RALY: variants seen among roughly 807,000 people sequenced by gnomAD.
RALY encodes the protein RALY heterogeneous nuclear ribonucleoprotein.
Under a neutral mutation model 30.7 loss-of-function variants are expected in RALY, and 15 were observed. That is an observed-to-expected ratio of 0.49 (90% CI 0.33 to 0.75). RALY has a LOEUF of 0.75. Ranked by LOEUF, RALY falls within the 30% of genes least tolerant of loss-of-function variation. The probability of loss-of-function intolerance (pLI) is 0.02; values close to 1 mark genes in which losing one functional copy is unlikely to be tolerated. For missense variants in RALY, 339 were observed against 414.3 expected (o/e 0.82, Z 1.58); for synonymous variants, 177 against 170.8 (o/e 1.04, Z -0.28).
At chr20:34,076,990 G>C in intron 7 of RALY, 38 bp from the exon 8 acceptor site, 1 of 1,610,048 alleles carries the variant, frequency 6.2e-7, no homozygotes, top group Non-Finnish European at 8.5e-7. Context: ...ACCCCAGGCT[G>C]AGTTTTATTC....
chr20:34,072,707 G>A (rs2033761675), intron 3 of RALY, among the ~76,000 whole-genome samples: 1 of 152,180 alleles, frequency 6.6e-6, no homozygotes, highest in South Asian at 2.1e-4. Flanking sequence ...AGAGCACAAG[G>A]ACAGTGTGAA....
intron 2 of RALY, among the ~76,000 whole-genome samples, chr20:34,056,333 T>G (rs1261082562): frequency 2.6e-5 from 4 of 152,210 alleles, no homozygotes; most frequent in African/African-American, 9.6e-5. Flanking sequence ...TACTGTTGAC[T>G]CTTCTTGTCT....
rs2033892773 is a variant in RALY, at chr20:34,076,803, A to G, written c.646A>G (p.Lys216Glu). ...CTTGGAGCAGATCGCTGCGGAGCAAAAGGCCAATCCAGGTCAGCCTCTGAG... is the reference window on the plus strand; with the variant it reads ...CTTGGAGCAGATCGCTGCGGAGCAAGAGGCCAATCCAGGTCAGCCTCTGAG... ...SRLEQIAAEQ[K>E]ANPDGKKKGD... The change falls in exon 7 of 10, where the codon AAG (lysine) becomes GAG (glutamate). Residue 216 changes from lysine (K) to glutamate (E), a missense_variant. Lys to Glu is a moderately conservative substitution (Grantham distance 56). Around this residue, in one of 2 missense-constraint regions of RALY, gnomAD observed 268 missense variants for 280.6 expected, o/e 0.95. Coordinates refer to ENST00000246194, the MANE Select transcript of RALY (RefSeq NM_016732.3). The G allele has an allele frequency of 1.9e-6, 3 of 1,613,998 alleles. No homozygotes were observed. Among genetic ancestry groups the G allele is most frequent in the Non-Finnish European group, 2.5e-6 (3 of 1,179,994 alleles).
chr20:34,078,381 C>T (rs961557213), intron 8 of RALY, 124 bp from the exon 9 acceptor site: 18 of 791,692 alleles, frequency 2.3e-5, no homozygotes, highest in African/African-American at 5.4e-5. Flanking sequence ...GCTGTTCCTG[C>T]GTCTTCTGAC....
chr20:34,068,178 G>C (rs2033631423), intron 2 of RALY, among the ~76,000 whole-genome samples: 2 of 151,910 alleles, frequency 1.3e-5, no homozygotes, highest in Non-Finnish European at 2.9e-5. Flanking sequence ...GCTAAACCTA[G>C]GACCCCTGGG....
intron 1 of RALY, among the ~76,000 whole-genome samples, chr20:34,009,979 G>A (rs1014311337): frequency 1.3e-5 from 2 of 152,118 alleles, no homozygotes; most frequent in Admixed American, 6.5e-5. Context: ...AATCCCCTGC[G>A]ACTAAGTGAA....
intron 2 of RALY, among the ~76,000 whole-genome samples, chr20:34,069,034 A>AC (rs1476834073): frequency 6.6e-6 from 1 of 152,152 alleles, no homozygotes; most frequent in African/African-American, 2.4e-5. Context: ...CAGATTTCTC[A>AC]CCCAGAGCAG....
At chr20:33,995,778 G>A (rs138927418) in intron 1 of RALY, among the ~76,000 whole-genome samples, 137 of 152,270 alleles carry the variant, frequency 9.0e-4, no homozygotes, top group African/African-American at 3.1e-3. Context: ...GAAGTAAGTT[G>A]TCTGAATTCA....
chr20:34,064,596 A>T (rs997209898), intron 2 of RALY, among the ~76,000 whole-genome samples: 11 of 152,072 alleles, frequency 7.2e-5, no homozygotes, highest in Non-Finnish European at 5.9e-5. Flanking sequence ...ATACTAGGAC[A>T]AGGGAGAGCA....
At chr20:34,042,631 G>A (rs971055553) in intron 2 of RALY, among the ~76,000 whole-genome samples, 4 of 152,086 alleles carry the variant, frequency 2.6e-5, no homozygotes, top group African/African-American at 4.8e-5. Context: ...TGATTAATGT[G>A]GAAACCAGCA....
chr20:34,070,048 T>G (rs1031631518), intron 2 of RALY, among the ~76,000 whole-genome samples: 2 of 152,156 alleles, frequency 1.3e-5, no homozygotes, highest in Admixed American at 6.5e-5. Flanking sequence ...CGTGCCAGCT[T>G]CCAGGCTGGG....
chr20:34,003,754 C>T (rs1601399550), intron 1 of RALY, among the ~76,000 whole-genome samples: 1 of 150,392 alleles, frequency 6.6e-6, no homozygotes, highest in Non-Finnish European at 1.5e-5. Context: ...ATTCTCCTGC[C>T]TCAGCCTCCC....
intron 2 of RALY, among the ~76,000 whole-genome samples, chr20:34,055,200 A>G (rs2033204040): frequency 6.6e-6 from 1 of 152,218 alleles, no homozygotes; most frequent in South Asian, 2.1e-4. Flanking sequence ...AAAAAGAGCC[A>G]TTGTGACCTT....
chr20:34,064,821 A>G (rs2033522362), intron 2 of RALY, among the ~76,000 whole-genome samples: 1 of 152,100 alleles, frequency 6.6e-6, no homozygotes, highest in Non-Finnish European at 1.5e-5. Context: ...CTTTACTCAT[A>G]TTATCTCCAG....
chr20:34,037,852 A>G (rs1163445157), intron 2 of RALY, among the ~76,000 whole-genome samples: 2 of 152,164 alleles, frequency 1.3e-5, no homozygotes, highest in African/African-American at 4.8e-5. Flanking sequence ...TAGCTTAGAA[A>G]GGGCAGGAGA....
chr20:34,002,819 C>T (rs973700907), intron 1 of RALY, among the ~76,000 whole-genome samples: 10 of 152,100 alleles, frequency 6.6e-5, no homozygotes, highest in African/African-American at 2.4e-4. Context: ...GGTATTGTCT[C>T]GCTTCTTATG....
chr20:34,075,768 A>G, intron 5 of RALY, 106 bp from the exon 6 acceptor site: 2 of 1,272,516 alleles, frequency 1.6e-6, no homozygotes, highest in Non-Finnish European at 2.1e-6. Context: ...TGTGTAGTGC[A>G]GGCCTCCCAG....
chr20:34,035,361 TACTG>T (rs1358539601), intron 2 of RALY, among the ~76,000 whole-genome samples: 1 of 152,094 alleles, frequency 6.6e-6, no homozygotes, highest in African/African-American at 2.4e-5. Flanking sequence ...TCAGGCACTA[TACTG>T]AATGCTCTAC....
Position 34,080,335 on chromosome 20 carries a change from C to G in RALY, c.*430C>G, listed in dbSNP as rs1387014794. On this transcript the variant is annotated 3_prime_UTR_variant, in exon 10 of 10. Transcript: ENST00000246194. ...CCCCTCTGCCAACCAAAAAGCTGGT[C>G]TAGGGTGCCTAATACTGATCCATCT... is the stretch of plus-strand genomic sequence containing the variant. The G allele has an allele frequency of 6.6e-6, 1 of 152,234 alleles. No individual in the cohort carries two copies. Among genetic ancestry groups the G allele is most frequent in the African/African-American group, 2.4e-5 (1 of 41,438 alleles). 9.4% of individuals were successfully genotyped at this position (152,234 alleles called of 1,614,324 possible).
Sources: allele counts gnomAD v4.1 joint callset (sites outside exome capture counted in the v4.1 genomes callset), GRCh38; gene constraint gnomAD v4.1.1; regional missense constraint gnomAD v4.1.1; transcripts MANE v1.5; gene names NCBI Gene and HGNC (gene_info 2026-07-23, HGNC 2026-07-21).